The following UNC13C variants were observed in gnomAD, a reference collection of about 807,000 sequenced individuals.
UNC13C encodes the protein unc-13 homolog C, also known as protein unc-13 homolog C.
In UNC13C, 174 loss-of-function variants were observed where a neutral mutation model predicts 245.4. That is an observed-to-expected ratio of 0.71 (90% CI 0.63 to 0.80). The LOEUF (loss-of-function observed/expected upper bound fraction) is 0.80, where lower values mean the gene tolerates loss of function less well. Among genes scored for constraint, UNC13C ranks in the 30% least tolerant of loss-of-function variants. UNC13C has a pLI of 0.00. For synonymous variants in UNC13C, 992 were observed against 895.1 expected, an observed-to-expected ratio of 1.11 and a Z score of -1.93; for missense variants, 2,829 against 2,602.9, an observed-to-expected ratio of 1.09 and a Z score of -1.89.
At chr15:54,599,214 G>C (rs182624631) in intron 30 of UNC13C, among the ~76,000 whole-genome samples, 1 of 151,986 alleles carries the variant, frequency 6.6e-6, no homozygotes, top group South Asian at 2.1e-4. Context: ...AGAAACAGAG[G>C]TTCAGAGAGG....
chr15:54,203,892 G>A (rs964523185), intron 4 of UNC13C, among the ~76,000 whole-genome samples: 1 of 114,758 alleles, frequency 8.7e-6, no homozygotes, highest in Admixed American at 8.5e-5. Flanking sequence ...ATGTGTATAT[G>A]TATATGTGTG....
chr15:54,124,162 T>C (rs964635275), intron 2 of UNC13C, among the ~76,000 whole-genome samples: 1 of 152,224 alleles, frequency 6.6e-6, no homozygotes, highest in Admixed American at 6.5e-5. Context: ...TGATTAATCA[T>C]ATGTAGATTT....
chr15:54,552,001 A>G (rs1305291350), intron 28 of UNC13C, among the ~76,000 whole-genome samples: 1 of 151,298 alleles, frequency 6.6e-6, no homozygotes, highest in African/African-American at 2.4e-5. Flanking sequence ...TGTGCTGAAA[A>G]GGTGCTATTT....
chr15:54,427,711 G>A (rs969594007), intron 19 of UNC13C, among the ~76,000 whole-genome samples: 1 of 151,684 alleles, frequency 6.6e-6, no homozygotes, highest in African/African-American at 2.4e-5. Flanking sequence ...GAAAGAAATT[G>A]TAGCTTATTA....
At chr15:54,333,378 C>T (rs572842742) in intron 15 of UNC13C, among the ~76,000 whole-genome samples, 20 of 151,658 alleles carry the variant, frequency 1.3e-4, no homozygotes, top group Admixed American at 5.9e-4. Flanking sequence ...GTATAATTTC[C>T]GAAGTATTTT....
chr15:53,976,314 C>T, upstream of UNC13C, among the ~76,000 whole-genome samples: 1 of 152,146 alleles, frequency 6.6e-6, no homozygotes, highest in East Asian at 1.9e-4. Flanking sequence ...TCGAAGCATT[C>T]ATGAAACATT....
At chr15:53,960,504 G>T in the UNC13C span, among the ~76,000 whole-genome samples, 1 of 151,968 alleles carries the variant, frequency 6.6e-6, no homozygotes. Context: ...TTTGAAATAA[G>T]TTCAAGGACT....
chr15:54,075,496 G>C (rs150220508), intron 2 of UNC13C, among the ~76,000 whole-genome samples: 1 of 118,692 alleles, frequency 8.4e-6, no homozygotes, highest in Non-Finnish European at 1.6e-5. Flanking sequence ...AGCTTGCAGT[G>C]AGCCGAGATG....
At chr15:54,148,140 T>C (rs1331535864) in intron 4 of UNC13C, among the ~76,000 whole-genome samples, 1 of 152,114 alleles carries the variant, frequency 6.6e-6, no homozygotes. Context: ...GAAGAGACAC[T>C]GTTGAAGGAA....
intron 19 of UNC13C, among the ~76,000 whole-genome samples, chr15:54,462,774 C>T (rs189566608): frequency 4.5e-4 from 68 of 152,330 alleles, no homozygotes; most frequent in Middle Eastern, 3.4e-3. Context: ...GCCTCCCTGA[C>T]GGGCGCCACC....
At chr15:54,463,265 C>CGGGGGGGGGGGGGGGGGGGGGGGGGG (rs559539986) in intron 19 of UNC13C, among the ~76,000 whole-genome samples, 1 of 26,210 alleles carries the variant, frequency 3.8e-5, no homozygotes, top group Non-Finnish European at 5.9e-5. Flanking sequence ...AGAATGTGGG[C>CGGGGGGGGGGGGGGGGGGGGGGGGGG]GGGGGGGGGG....
intron 30 of UNC13C, among the ~76,000 whole-genome samples, chr15:54,594,717 C>T (rs959285182): frequency 6.6e-6 from 1 of 152,150 alleles, no homozygotes; most frequent in Non-Finnish European, 1.5e-5. Context: ...AGGCAGAGGG[C>T]AAGTTGGGCT....
intron 28 of UNC13C, among the ~76,000 whole-genome samples, chr15:54,553,962 C>T (rs1343470881): frequency 6.6e-6 from 1 of 151,830 alleles, no homozygotes; most frequent in Admixed American, 6.6e-5. Context: ...TATAATATTG[C>T]TATTTAAAAA....
intron 31 of UNC13C, among the ~76,000 whole-genome samples, chr15:54,623,180 G>C (rs1305317153): frequency 6.6e-6 from 1 of 151,392 alleles, no homozygotes; most frequent in African/African-American, 2.4e-5. Context: ...TTACACATGA[G>C]AATCTTCATT....
intron 29 of UNC13C, among the ~76,000 whole-genome samples, chr15:54,562,013 C>T (rs1324883699): frequency 6.6e-6 from 1 of 151,812 alleles, no homozygotes; most frequent in African/African-American, 2.4e-5. Context: ...ATGGTTCCAC[C>T]AAGAAAAATG....
At chr15:53,845,163 A>AAAAT in the UNC13C span, among the ~76,000 whole-genome samples, 3 of 151,974 alleles carry the variant, frequency 2.0e-5, no homozygotes, top group Non-Finnish European at 4.4e-5. Context: ...GTCTCTACTA[A>AAAAT]AAATATAAAA....
intron 14 of UNC13C, 30 bp from the exon 15 acceptor site, chr15:54,332,013 A>G (rs766428340): frequency 2.7e-6 from 4 of 1,474,874 alleles, no homozygotes; most frequent in East Asian, 4.8e-5. Context: ...ATTTATTTCC[A>G]TTCTCCTATT....
chr15:54,516,799 C>CAAAAAAAAAAAAAAA (rs59628073), intron 24 of UNC13C, among the ~76,000 whole-genome samples: 2 of 123,646 alleles, frequency 1.6e-5, no homozygotes, highest in African/African-American at 6.4e-5. Context: ...GATGCTGTCT[C>CAAAAAAAAAAAAAAA]AAAAAAAAAA....
the UNC13C span, chr15:53,913,817 T>A: frequency 6.6e-6 from 1 of 152,198 alleles, no homozygotes; most frequent in Non-Finnish European, 1.5e-5. Flanking sequence ...TAATAGGGCT[T>A]GGTACACAGA....
Sources: gnomAD v4.1 joint callset for allele counts (sites outside exome capture counted in the v4.1 genomes callset) on GRCh38, gnomAD v4.1.1 for gene constraint, MANE v1.5 for transcripts, NCBI Gene and HGNC (gene_info 2026-07-23, HGNC 2026-07-21) for gene names.